BCAR3: variants seen among roughly 807,000 people sequenced by gnomAD.
BCAR3 encodes the protein BCAR3 adaptor protein, NSP family member.
BCAR3 carries 37 observed loss-of-function variants against 80.1 expected under a neutral mutation model. The observed-to-expected ratio is 0.46, with a 90% CI of 0.36 to 0.61. BCAR3 has a LOEUF of 0.61. BCAR3 is among the 20% of genes least tolerant of loss of function. The pLI is 0.00. For synonymous variants in BCAR3, 389 were observed against 418.9 expected (o/e 0.93, Z 0.87); for missense variants, 978 against 1,068.2 (o/e 0.92, Z 1.18).
chr1:93,576,401 GC>G (rs1673461762), intron 7 of BCAR3, among the ~76,000 whole-genome samples: 1 of 152,184 alleles, frequency 6.6e-6, no homozygotes, highest in African/African-American at 2.4e-5. Flanking sequence ...AAGTGTTTCT[GC>G]CCAGCCAGAG....
intron 2 of BCAR3, among the ~76,000 whole-genome samples, chr1:93,734,243 A>T (rs568408587): frequency 6.6e-6 from 1 of 152,382 alleles, no homozygotes; most frequent in South Asian, 2.1e-4. Flanking sequence ...CATGTCAACT[A>T]GAAGTGACTG....
At chr1:93,568,320 C>T (rs1364102713) in intron 9 of BCAR3, among the ~76,000 whole-genome samples, 1 of 152,174 alleles carries the variant, frequency 6.6e-6, no homozygotes, top group Non-Finnish European at 1.5e-5. Context: ...TCCGCCCCAT[C>T]TGCATTGCTG....
At chr1:93,718,415 C>T (rs372095605) in intron 2 of BCAR3, among the ~76,000 whole-genome samples, 47 of 152,208 alleles carry the variant, frequency 3.1e-4, no homozygotes, top group African/African-American at 5.5e-4. Flanking sequence ...GTGTGAGGAG[C>T]GATGCTGGGC....
At chr1:93,675,925 C>CAAAAAAAAAAAAGA (rs1648458704) in intron 1 of BCAR3, among the ~76,000 whole-genome samples, 1 of 51,440 alleles carries the variant, frequency 1.9e-5, no homozygotes, top group African/African-American at 5.3e-5. Context: ...AAATAGGAGA[C>CAAAAAAAAAAAAGA]AAAAAAAAAA....
chr1:93,665,785 T>C (rs1647879420), intron 2 of BCAR3, among the ~76,000 whole-genome samples: 2 of 152,122 alleles, frequency 1.3e-5, no homozygotes, highest in African/African-American at 4.8e-5. Flanking sequence ...CAATCTACCA[T>C]AACCCCCTTC....
At chr1:93,668,902 G>A (rs1225743149) in intron 2 of BCAR3, among the ~76,000 whole-genome samples, 1 of 151,916 alleles carries the variant, frequency 6.6e-6, no homozygotes, top group Non-Finnish European at 1.5e-5. Context: ...AGTAGAGACA[G>A]GGTTTCACCA....
At chr1:93,818,682 G>A (rs1654100568) in intron 2 of BCAR3, among the ~76,000 whole-genome samples, 1 of 152,194 alleles carries the variant, frequency 6.6e-6, no homozygotes, top group South Asian at 2.1e-4. Context: ...TCTAGGTGCT[G>A]GGTATAAAGC....
intron 2 of BCAR3, among the ~76,000 whole-genome samples, chr1:93,826,788 G>A (rs1234242300): frequency 4.6e-5 from 7 of 152,062 alleles, no homozygotes; most frequent in Non-Finnish European, 8.8e-5. Context: ...GGGGAGAGAG[G>A]TAGGGGTGTG....
rs371020036 is a variant in BCAR3 at position 93,674,861 on chromosome 1, A to T, written c.70T>A (p.Ser24Thr). The change falls in exon 2 of 12, where the codon TCC becomes ACC. Residue 24 changes from serine to threonine, a missense_variant. Transcript: ENST00000260502. ...GACCTGCTGCTCAGAAGGTCCATGG[A>T]TGAGGCCAGGGGGAACTGGTGATTC... ...PVNHQFPLAS[S>T]MDLLSSRSPL... 6.3e-7 allele frequency: 1 copy of T among 1,598,942 alleles called. No individual in the cohort carries two copies. The highest frequency in any genetic ancestry group is 1.4e-5 in the African/African-American group (1 of 73,810).
At position 93,562,228 on chromosome 1, in the gene BCAR3, C is replaced by A; in HGVS notation, c.*13G>T. The A allele has an allele frequency of 1.2e-6, 2 of 1,608,700 alleles. No homozygotes were observed. Among genetic ancestry groups the A allele is most frequent in the Middle Eastern group, 1.7e-4 (1 of 6,034 alleles). On this transcript the variant is annotated 3_prime_UTR_variant, in exon 12 of 12. Transcript: ENST00000260502. ...AACTTGAAAAGATATTCTAAAGGTT[C>A]TCTGGAGAGTTATCAAAGCTCTGCC...
chr1:93,796,454 A>C (rs965271542), intron 2 of BCAR3, among the ~76,000 whole-genome samples: 21 of 148,270 alleles, frequency 1.4e-4, no homozygotes, highest in African/African-American at 5.4e-4. Context: ...TTGACTCGGA[A>C]AGGGAACTCC....
At chr1:93,801,677 A>G (rs1383762576) in intron 2 of BCAR3, among the ~76,000 whole-genome samples, 2 of 152,220 alleles carry the variant, frequency 1.3e-5, no homozygotes, top group African/African-American at 4.8e-5. Flanking sequence ...ACAGTTTCTC[A>G]GGCTGGGTGT....
intron 3 of BCAR3, among the ~76,000 whole-genome samples, chr1:93,598,305 G>A: frequency 6.6e-6 from 1 of 152,178 alleles, no homozygotes; most frequent in East Asian, 1.9e-4. Flanking sequence ...GGAGGCTGGG[G>A]ACACTCATTC....
At position 93,796,693 on chromosome 1, in the gene BCAR3, T is replaced by C. The variant is rs549966387; in HGVS notation, c.-63+48874A>G. Among the ~76,000 whole-genome samples the C allele has an allele frequency of 7.2e-4, 109 of 152,294 alleles. 1 individual carries two copies. Among genetic ancestry groups the C allele is most frequent in the African/African-American group, 2.6e-3 (107 of 41,550 alleles). Reference sequence around the variant, plus strand: ...CTTGGCTCCTCCCCAACACTTATAGTCTTATTTGTCTTCGCTTCCAAACAA... The same window carrying C: ...CTTGGCTCCTCCCCAACACTTATAGCCTTATTTGTCTTCGCTTCCAAACAA... On this transcript the variant is annotated intron_variant, in intron 2 of 13. Coordinates refer to the BCAR3 transcript ENST00000370244.
At chr1:93,654,965 C>T (rs1647302247) in intron 2 of BCAR3, among the ~76,000 whole-genome samples, 1 of 152,246 alleles carries the variant, frequency 6.6e-6, no homozygotes, top group Admixed American at 6.5e-5. Context: ...GAATACAACC[C>T]TCCAAGGGTG....
rs139646460 is a variant in BCAR3, at chr1:93,742,836, T to A, written c.-62-36694A>T. Among the ~76,000 whole-genome samples the A allele has an allele frequency of 3.0e-3, 460 of 152,302 alleles. 3 individuals carry two copies. Among genetic ancestry groups the A allele is most frequent in the African/African-American group, 0.011 (438 of 41,556 alleles). ...CAAACAACAAACCCACATATAATTA[T>A]TTCAGAAATGCTACCACACAGAAAA... On this transcript the variant is annotated intron_variant, in intron 2 of 13. Transcript: ENST00000370244.
In BCAR3 at chr1:93,648,444, T is replaced by C. The variant is rs544868222; in HGVS notation, c.318-6101A>G. Among the ~76,000 whole-genome samples, 3 of 152,256 alleles carry C rather than the reference T, an allele frequency of 2.0e-5. No individual in the cohort carries two copies. In the South Asian group the frequency reaches 6.2e-4, roughly 32 times the overall value. On this transcript the variant is annotated intron_variant, in intron 2 of 11. Coordinates refer to ENST00000260502, the MANE Select transcript of BCAR3 (RefSeq NM_003567.4). ...GGTCTTCAACGAGGTTTGACTGAAATAGAGACCCAAAAGGAGACTCGTTAA... is the reference window on the plus strand; with the variant it reads ...GGTCTTCAACGAGGTTTGACTGAAACAGAGACCCAAAAGGAGACTCGTTAA...
intron 2 of BCAR3, among the ~76,000 whole-genome samples, chr1:93,655,528 A>T (rs1414207707): frequency 6.6e-6 from 1 of 152,226 alleles, no homozygotes; most frequent in Non-Finnish European, 1.5e-5. Context: ...TAAGTAGATC[A>T]TGCCTGGCAC....
At chr1:93,577,541 A>G (rs897701355) in intron 7 of BCAR3, among the ~76,000 whole-genome samples, 3 of 152,210 alleles carry the variant, frequency 2.0e-5, no homozygotes, top group Middle Eastern at 3.4e-3. Flanking sequence ...CACCTTTCTC[A>G]AGGACTTTGC....
Sources: gnomAD v4.1 joint callset for allele counts (sites outside exome capture counted in the v4.1 genomes callset) on GRCh38, gnomAD v4.1.1 for gene constraint, MANE v1.5 for transcripts, NCBI Gene and HGNC (gene_info 2026-07-23, HGNC 2026-07-21) for gene names.